The following KLHL32 variants were observed in gnomAD, a reference collection of about 807,000 sequenced individuals.
KLHL32 encodes the protein kelch-like protein 32.
In KLHL32, 35 loss-of-function variants were observed where a neutral mutation model predicts 64.8. That is an observed-to-expected ratio of 0.54 (90% confidence interval 0.41 to 0.72). The LOEUF is 0.72. Among genes scored for constraint, KLHL32 ranks in the 30% least tolerant of loss-of-function variants. The pLI is 0.00. For missense variants in KLHL32, 589 were observed against 768.5 expected (o/e 0.77, Z 2.76); for synonymous variants, 259 against 281.0 (o/e 0.92, Z 0.78).
chr6:96,964,231 T>C (rs1438833875), intron 1 of KLHL32, among the ~76,000 whole-genome samples: 1 of 152,166 alleles, frequency 6.6e-6, no homozygotes, highest in African/African-American at 2.4e-5. Flanking sequence ...AAAACAGCCT[T>C]GGGTTAATCC....
intron 6 of KLHL32, among the ~76,000 whole-genome samples, chr6:97,097,591 G>A (rs1795153473): frequency 6.6e-6 from 1 of 151,930 alleles, no homozygotes; most frequent in Non-Finnish European, 1.5e-5. Flanking sequence ...GTGCCCTGAG[G>A]AAGTTCTTTC....
In KLHL32 at chr6:97,127,404, G is replaced by A; in HGVS notation, c.1355G>A (p.Gly452Asp). 2 of 1,610,892 alleles carry A rather than the reference G, an allele frequency of 1.2e-6. No homozygotes were observed. Among genetic ancestry groups the A allele is most frequent in the Admixed American group, 1.7e-5 (1 of 59,992 alleles). ...TCTAACACATGTTAATCCATTACAGGTGGAGTAACTAATACGGCACAATAT... is the reference window on the plus strand; with the variant it reads ...TCTAACACATGTTAATCCATTACAGATGGAGTAACTAATACGGCACAATAT... ...YVADGLLWIS[G>D]GVTNTAQYQN... The change falls in exon 8 of 11, where the codon GGT becomes GAT. Residue 452 changes from glycine to aspartate, a missense_variant and splice_region_variant. By Grantham distance (94) the Gly-to-Asp change is moderately conservative (BLOSUM62 -1). Around this residue, in one of 3 missense-constraint regions of KLHL32, gnomAD observed 226 missense variants for 353.2 expected, o/e 0.64. Coordinates refer to ENST00000369261, the MANE Select transcript of KLHL32 (RefSeq NM_052904.4).
intron 2 of KLHL32, among the ~76,000 whole-genome samples, chr6:96,973,498 G>T (rs1247055336): frequency 6.6e-6 from 1 of 152,058 alleles, no homozygotes. Context: ...ATTTTCTAAG[G>T]TTATAATGAT....
the KLHL32 span, chr6:96,914,835 G>A: frequency 1.3e-5 from 2 of 152,124 alleles, no homozygotes; most frequent in Non-Finnish European, 2.9e-5. Flanking sequence ...TAGGCAACCT[G>A]GTGGTTCCCT....
chr6:96,899,539 A>G, the KLHL32 span, among the ~76,000 whole-genome samples: 1 of 152,232 alleles, frequency 6.6e-6, no homozygotes, highest in African/African-American at 2.4e-5. Flanking sequence ...AATTATTTGA[A>G]TTCACACATT....
At chr6:96,927,649 G>A (rs1199451678) in intron 1 of KLHL32, among the ~76,000 whole-genome samples, 1 of 152,202 alleles carries the variant, frequency 6.6e-6, no homozygotes, top group Non-Finnish European at 1.5e-5. Context: ...GATTTGAACA[G>A]CGACTTCTCA....
chr6:97,076,599 A>G (rs548751142), intron 5 of KLHL32, among the ~76,000 whole-genome samples: 1 of 152,318 alleles, frequency 6.6e-6, no homozygotes, highest in Admixed American at 6.5e-5. Context: ...CACCCAGTGA[A>G]GGAGACAGGG....
chr6:96,940,184 G>A (rs760964934), intron 1 of KLHL32, among the ~76,000 whole-genome samples: 11 of 152,130 alleles, frequency 7.2e-5, no homozygotes, highest in African/African-American at 1.2e-4. Context: ...TCTTTAGGAC[G>A]TTGAGATGAA....
chr6:96,977,720 G>A (rs1191085543), intron 3 of KLHL32, among the ~76,000 whole-genome samples: 1 of 152,116 alleles, frequency 6.6e-6, no homozygotes, highest in South Asian at 2.1e-4. Flanking sequence ...TAATTGCCAA[G>A]TAGCAGTCAC....
chr6:97,113,479 A>G (rs1284212123), intron 6 of KLHL32, among the ~76,000 whole-genome samples: 1 of 152,186 alleles, frequency 6.6e-6, no homozygotes, highest in Non-Finnish European at 1.5e-5. Flanking sequence ...AGGCTGTTTC[A>G]CAACAGCATT....
At chr6:96,989,623 C>G (rs926096890) in intron 3 of KLHL32, among the ~76,000 whole-genome samples, 5 of 152,096 alleles carry the variant, frequency 3.3e-5, no homozygotes, top group Non-Finnish European at 5.9e-5. Context: ...TTCTCTACAT[C>G]TCCTGAATTT....
At position 97,127,413 on chromosome 6, in the gene KLHL32, C is replaced by A; in HGVS notation, c.1364C>A (p.Thr455Asn). ...DGLLWISGGV[T>N]NTAQYQNRLM... ...TGTTAATCCATTACAGGTGGAGTAA[C>A]TAATACGGCACAATATCAGAACAGG... is the stretch of plus-strand genomic sequence containing the variant. Residue 455 changes from threonine to asparagine, a missense_variant, in exon 8 of 11, where the codon ACT becomes AAT. Thr to Asn is a moderately conservative substitution (Grantham distance 65). Coordinates refer to ENST00000369261, the MANE Select transcript of KLHL32 (RefSeq NM_052904.4). 1 of 1,613,130 alleles carries A rather than the reference C, an allele frequency of 6.2e-7. No individual in the cohort carries two copies. Among genetic ancestry groups the A allele is most frequent in the Non-Finnish European group, 8.5e-7 (1 of 1,179,206 alleles).
chr6:96,915,112 G>C, the KLHL32 span: 1 of 152,170 alleles, frequency 6.6e-6, no homozygotes, highest in African/African-American at 2.4e-5. Flanking sequence ...CTTTGGATTA[G>C]CATTTATAGC....
At chr6:97,028,937 C>A (rs986282530) in intron 3 of KLHL32, among the ~76,000 whole-genome samples, 41 of 152,118 alleles carry the variant, frequency 2.7e-4, no homozygotes, top group African/African-American at 9.9e-4. Flanking sequence ...ACAGAACTAC[C>A]AGAGGAATAA....
intron 7 of KLHL32, among the ~76,000 whole-genome samples, chr6:97,121,852 T>C (rs1798402826): frequency 6.6e-6 from 1 of 152,156 alleles, no homozygotes; most frequent in Non-Finnish European, 1.5e-5. Flanking sequence ...AGCTACGCCA[T>C]AGAAATAGGG....
At chr6:97,056,693 CT>C (rs35830880) in intron 4 of KLHL32, among the ~76,000 whole-genome samples, 2 of 152,118 alleles carry the variant, frequency 1.3e-5, no homozygotes, top group Non-Finnish European at 2.9e-5. Flanking sequence ...GATCAGCAAA[CT>C]TTTTTTGTGA....
At chr6:97,131,015 G>C (rs778502272) in intron 9 of KLHL32, 66 bp downstream of exon 9, 1 of 1,374,640 alleles carries the variant, frequency 7.3e-7, no homozygotes, top group East Asian at 2.3e-5. Context: ...TTGTTTCATA[G>C]ACATCTTTAG....
intron 5 of KLHL32, among the ~76,000 whole-genome samples, chr6:97,082,474 A>G (rs140814217): frequency 0.011 from 1,608 of 152,140 alleles, 45 homozygotes; most frequent in East Asian, 0.1. Flanking sequence ...TTAGCCGGGC[A>G]TGGTGGCGGG....
At chr6:97,089,856 G>C (rs913421362) in intron 6 of KLHL32, among the ~76,000 whole-genome samples, 4 of 151,740 alleles carry the variant, frequency 2.6e-5, no homozygotes, top group African/African-American at 9.7e-5. Flanking sequence ...CTTGTATTCT[G>C]AGTCTGACTT....
Sources: gnomAD v4.1 joint callset for allele counts (sites outside exome capture counted in the v4.1 genomes callset) on GRCh38, gnomAD v4.1.1 for gene constraint, gnomAD v4.1.1 regional missense constraint, MANE v1.5 for transcripts, NCBI Gene and HGNC (gene_info 2026-07-23, HGNC 2026-07-21) for gene names.